LIG1: variants seen among roughly 807,000 people sequenced by gnomAD.
The protein encoded by LIG1 is ligase I, DNA, ATP-dependent.
In LIG1, 70 loss-of-function variants were observed where a neutral mutation model predicts 115.7. The observed-to-expected ratio is 0.60, with a 90% confidence interval of 0.50 to 0.74. LIG1 has a LOEUF of 0.74. Among genes scored for constraint, LIG1 ranks in the 30% least tolerant of loss-of-function variants. The pLI, the probability that LIG1 is intolerant of heterozygous loss-of-function variation, is 0.00. For missense variants in LIG1, 1,115 were observed against 1,225.6 expected, an observed-to-expected ratio of 0.91 and a Z score of 1.35; for synonymous variants, 487 against 495.3, an observed-to-expected ratio of 0.98 and a Z score of 0.22.
intron 1 of LIG1, among the ~76,000 whole-genome samples, chr19:48,167,160 T>C (rs2036529471): frequency 6.6e-6 from 1 of 150,584 alleles, no homozygotes; most frequent in Non-Finnish European, 1.5e-5. Context: ...ATTAAAGATA[T>C]AAAAAATTAT....
At chr19:48,166,658 G>A (rs755415370) in intron 1 of LIG1, among the ~76,000 whole-genome samples, 18 of 152,122 alleles carry the variant, frequency 1.2e-4, no homozygotes, top group African/African-American at 2.4e-5. Context: ...GGCTTCCACA[G>A]TTTAGAGTAA....
chr19:48,140,157 C>CG lies in LIG1; in HGVS notation c.915-15dup. The CG allele has an allele frequency of 7.1e-7, 1 of 1,409,992 alleles. No individual in the cohort carries two copies. Among genetic ancestry groups the CG allele is most frequent in the Non-Finnish European group, 9.5e-7 (1 of 1,052,914 alleles). The allele number at this position is 1,409,992 out of a possible 1,614,324, so 87.3% of individuals were successfully genotyped here. A position where few individuals can be genotyped will look rare whatever the true frequency, so the allele number is the denominator to read the frequency against. ...ACCATCCGGAGCCTGGAGGAGGGGA[C>CG]GGGGGTATGAACACGTGGTTCCTCA... is the stretch of plus-strand genomic sequence containing the variant. On this transcript the variant is annotated splice_polypyrimidine_tract_variant and intron_variant, in intron 11 of 27. Transcript: ENST00000263274.
rs888825610 is a variant in LIG1, at chr19:48,137,762, G to T, written c.1088-74C>A. 6.4e-7 allele frequency: 1 copy of T among 1,556,116 alleles called. No homozygotes were observed. On this transcript the variant is annotated intron_variant, in intron 12 of 27. Transcript: ENST00000263274. This position sits in a 1 kb window ranked among gnomAD's most constrained non-coding sequence, Gnocchi z 4.3. Reference sequence around the variant, plus strand: ...GCGTGTCTCCCTTCTCTCGCGGCCTGGATGAATTTTCTCCAGCTGTGTGTG... The same window carrying T: ...GCGTGTCTCCCTTCTCTCGCGGCCTTGATGAATTTTCTCCAGCTGTGTGTG...
intron 25 of LIG1, 23 bp from the exon 26 acceptor site, chr19:48,117,804 G>C: frequency 6.2e-7 from 1 of 1,610,244 alleles, no homozygotes; most frequent in East Asian, 2.2e-5. Flanking sequence ...GAGGAAGAGA[G>C]GAACAGAGGG....
At chr19:48,150,329 C>A (rs1233796006) in intron 7 of LIG1, 119 bp from the exon 8 acceptor site, 4 of 1,444,244 alleles carry the variant, frequency 2.8e-6, no homozygotes, top group Non-Finnish European at 3.8e-6. Context: ...CTACACCTAC[C>A]CTTTTCCTTT....
intron 24 of LIG1, 36 bp from the exon 25 acceptor site, chr19:48,119,226 A>T (rs156647): frequency 6.4e-7 from 1 of 1,553,772 alleles, no homozygotes; most frequent in Non-Finnish European, 8.7e-7. Flanking sequence ...AGGCTCAGCC[A>T]GCCACAGGCC....
chr19:48,161,519 G>A lies in LIG1; in HGVS notation c.108-12C>T, dbSNP rs1177464730. The A allele has an allele frequency of 1.9e-6, 3 of 1,613,934 alleles. No homozygotes were observed. Among genetic ancestry groups the A allele is most frequent in the Non-Finnish European group, 2.5e-6 (3 of 1,179,878 alleles). On this transcript the variant is annotated splice_polypyrimidine_tract_variant and intron_variant, in intron 3 of 27. Coordinates refer to ENST00000263274, the MANE Select transcript of LIG1 (RefSeq NM_000234.3). Reference sequence around the variant, plus strand: ...CCTTCAGTGCCGCCCTGGAAGGTGGGGAAATGGGGGTGTAAAGGGGCGACT... The same window carrying A: ...CCTTCAGTGCCGCCCTGGAAGGTGGAGAAATGGGGGTGTAAAGGGGCGACT...
rs2036208741 is a variant in LIG1, at chr19:48,161,999, G to A, written c.107+263C>T. On this transcript the variant is annotated intron_variant, in intron 3 of 27. Coordinates refer to ENST00000263274, the MANE Select transcript of LIG1 (RefSeq NM_000234.3). ...AGACAGCATCAAGACGTGGCCAGTGGCCAGCGGCCAGCTTCTCTGCATTAT... is the reference window on the plus strand; with the variant it reads ...AGACAGCATCAAGACGTGGCCAGTGACCAGCGGCCAGCTTCTCTGCATTAT... 3.3e-5 allele frequency among the ~76,000 whole-genome samples: 5 copies of A among 152,124 alleles called. No homozygotes were observed. In the South Asian group the frequency reaches 1.0e-3, roughly 32 times the overall value.
chr19:48,157,214 G>A (rs955375269), intron 4 of LIG1, 74 bp from the exon 5 acceptor site: 13 of 1,501,508 alleles, frequency 8.7e-6, no homozygotes, highest in South Asian at 2.5e-5. Flanking sequence ...TGAGAGTAGA[G>A]GGGACTGAAA....
chr19:48,119,372 G>A (rs1372776410), intron 24 of LIG1, among the ~76,000 whole-genome samples, 182 bp from the exon 25 acceptor site: 1 of 152,090 alleles, frequency 6.6e-6, no homozygotes, highest in African/African-American at 2.4e-5. Context: ...TCCCGGGTGG[G>A]AATGTTCTCC....
intron 5 of LIG1, chr19:48,154,398 G>T: frequency 4.1e-6 from 1 of 244,056 alleles, no homozygotes; most frequent in Non-Finnish European, 8.3e-6. Context: ...CTCACCCCAC[G>T]ATCGGCAGGA....
chr19:48,119,863 C>T (rs1397741302), intron 24 of LIG1, among the ~76,000 whole-genome samples: 4 of 152,150 alleles, frequency 2.6e-5, no homozygotes, highest in African/African-American at 9.7e-5. Context: ...GTTAACACTG[C>T]CAAGAGCTTC....
At chr19:48,157,355 C>T (rs2035916326) in intron 4 of LIG1, among the ~76,000 whole-genome samples, 2 of 152,116 alleles carry the variant, frequency 1.3e-5, no homozygotes, top group Admixed American at 1.3e-4. Context: ...CATAGCTCTT[C>T]TGTTTTCTAC....
At chr19:48,167,837 A>AC (rs1340643052) in intron 1 of LIG1, among the ~76,000 whole-genome samples, 1 of 151,564 alleles carries the variant, frequency 6.6e-6, no homozygotes, top group Non-Finnish European at 1.5e-5. Context: ...AAAAAAAAAA[A>AC]AAAAAAAAAA....
chr19:48,119,838 C>T (rs1300566930), intron 24 of LIG1, among the ~76,000 whole-genome samples: 1 of 152,186 alleles, frequency 6.6e-6, no homozygotes, highest in Non-Finnish European at 1.5e-5. Flanking sequence ...TGGCCATGCC[C>T]AGCCCATCTC....
Position 48,123,190 on chromosome 19 carries a change from CA to C in LIG1, c.2132del (p.Leu711ArgfsTer5). The C allele has an allele frequency of 6.2e-7, 1 of 1,614,020 alleles. No homozygotes were observed. Among genetic ancestry groups the C allele is most frequent in the Non-Finnish European group, 8.5e-7 (1 of 1,180,002 alleles). Reference sequence around the variant, plus strand: ...CACCCTCACCTTTCACTGACTGCTCCAGGAACTCGGCGATCTGCTCGATGTC... The same window carrying C: ...CACCCTCACCTTTCACTGACTGCTCCGGAACTCGGCGATCTGCTCGATGTC... ...TKDIEQIAEF[L>X]EQSVKDSCEG... is the part of the protein sequence containing the mutation. On this transcript the variant is annotated frameshift_variant, in exon 22 of 28. Coordinates refer to ENST00000263274, the MANE Select transcript of LIG1 (RefSeq NM_000234.3). LOFTEE classifies it high-confidence loss of function.
chr19:48,116,168 G>A (rs2032802627), intron 26 of LIG1: 5 of 585,484 alleles, frequency 8.5e-6, no homozygotes, highest in Middle Eastern at 4.6e-4. Flanking sequence ...TGTTGGCCGG[G>A]TGCGGTGGCT....
chr19:48,162,167 C>A, intron 3 of LIG1, 95 bp downstream of exon 3: 1 of 1,239,492 alleles, frequency 8.1e-7, no homozygotes, highest in Non-Finnish European at 1.2e-6. Flanking sequence ...TTTTTTGGGC[C>A]CCAAGACATT....
At chr19:48,148,379 G>A (rs1044609470) in intron 9 of LIG1, among the ~76,000 whole-genome samples, 3 of 151,898 alleles carry the variant, frequency 2.0e-5, no homozygotes, top group Admixed American at 2.0e-4. Flanking sequence ...GGATGTGGAG[G>A]CAGAAGAATC....
Sources: allele counts gnomAD v4.1 joint callset (sites outside exome capture counted in the v4.1 genomes callset), GRCh38; gene constraint gnomAD v4.1.1; non-coding constraint Gnocchi (gnomAD v3.1); transcripts MANE v1.5; gene names NCBI Gene and HGNC (gene_info 2026-07-23, HGNC 2026-07-21).